Variants in NAV2 observed in about 807,000 individuals in gnomAD.
NAV2 encodes the protein helicase, APC down-regulated 1.
NAV2 carries 54 observed loss-of-function variants against 223.2 expected under a neutral mutation model. The ratio of observed to expected loss-of-function variants is 0.24; its 90% CI spans 0.19 to 0.30. NAV2 has a LOEUF of 0.30. NAV2 is among the 10% of genes least tolerant of loss of function. The probability of loss-of-function intolerance (pLI) is 1.00; values close to 1 mark genes in which losing one functional copy is unlikely to be tolerated. For missense variants in NAV2, 2,806 were observed against 3,147.5 expected (o/e 0.89, Z 2.60); for synonymous variants, 1,279 against 1,239.3 (o/e 1.03, Z -0.67).
chr11:19,405,971 G>A (rs142705333), intron 1 of NAV2, among the ~76,000 whole-genome samples: 98 of 152,284 alleles, frequency 6.4e-4, no homozygotes, highest in African/African-American at 2.2e-3. Flanking sequence ...AGGGTCACTG[G>A]GACAGAGTAG....
At chr11:19,872,548 C>A (rs78474156) in intron 4 of NAV2, among the ~76,000 whole-genome samples, 2 of 152,230 alleles carry the variant, frequency 1.3e-5, no homozygotes, top group African/African-American at 4.8e-5. Flanking sequence ...TTTTTGTTCT[C>A]CTTTTGAAGA....
intron 19 of NAV2, among the ~76,000 whole-genome samples, chr11:20,060,094 C>T (rs1374739923): frequency 6.6e-6 from 1 of 152,228 alleles, no homozygotes; most frequent in African/African-American, 2.4e-5. Flanking sequence ...CAGATGTGCT[C>T]TTCTCTGCCT....
intron 1 of NAV2, among the ~76,000 whole-genome samples, chr11:19,404,790 C>A (rs1313132375): frequency 2.0e-5 from 3 of 152,202 alleles, no homozygotes; most frequent in Non-Finnish European, 2.9e-5. Context: ...TATTTCCTTC[C>A]AATGAATTCA....
At position 19,894,736 on chromosome 11, in the gene NAV2, T is replaced by C. The variant is rs187708051; in HGVS notation, c.931+2142T>C. On this transcript the variant is annotated intron_variant, in intron 6 of 37. Transcript: ENST00000349880. ...AAGAAAGAAAGGGAAGTCATACTTA[T>C]TTTTTTATTTAGAGATGGAGTTTTG... 1.0e-3 allele frequency among the ~76,000 whole-genome samples: 155 copies of C among 152,288 alleles called. No individual in the cohort carries two copies. In the South Asian group the frequency reaches 0.015, roughly 15 times the overall value.
chr11:19,655,557 C>T (rs1272043709), intron 1 of NAV2, among the ~76,000 whole-genome samples: 2 of 151,958 alleles, frequency 1.3e-5, no homozygotes, highest in African/African-American at 4.8e-5. Context: ...GAATACTATG[C>T]AGCCAAAAAA....
intron 1 of NAV2, among the ~76,000 whole-genome samples, chr11:19,533,963 CCCAAAG>C: frequency 6.6e-6 from 1 of 151,486 alleles, no homozygotes; most frequent in African/African-American, 2.5e-5. Context: ...GCCTCGGCCT[CCCAAAG>C]TGCTGGGATT....
intron 10 of NAV2, among the ~76,000 whole-genome samples, chr11:19,955,265 G>T (rs117336273): frequency 0.034 from 5,163 of 152,106 alleles, 108 homozygotes; most frequent in East Asian, 0.05. Context: ...AGCTGTTCAT[G>T]GTGGCATGTT....
intron 26 of NAV2, among the ~76,000 whole-genome samples, chr11:20,088,391 T>C (rs888753099): frequency 2.0e-5 from 3 of 152,218 alleles, no homozygotes; most frequent in Admixed American, 2.0e-4. Context: ...TTCGCCGTGT[T>C]GGCCAGGCTT....
chr11:19,952,901 C>A (rs72913120), intron 10 of NAV2, among the ~76,000 whole-genome samples: 5,061 of 152,190 alleles, frequency 0.033, 125 homozygotes, highest in Non-Finnish European at 0.054. Context: ...TGGTATATAC[C>A]AGGCATGTCT....
rs184284382 is a variant in NAV2 at position 19,492,121 on chromosome 11, T to C, written c.75+141094T>C. ...CAATAGTAACATCACAGATCACTGA[T>C]CATTGGTCACCATAACAGATACAAT... is the stretch of plus-strand genomic sequence containing the variant. On this transcript the variant is annotated intron_variant, in intron 1 of 37. Coordinates refer to the NAV2 transcript ENST00000360655. Among the ~76,000 whole-genome samples, 186 of 152,298 alleles carry C rather than the reference T, an allele frequency of 1.2e-3. 1 individual carries two copies. Among genetic ancestry groups the C allele is most frequent in the African/African-American group, 4.3e-3 (180 of 41,556 alleles).
intron 1 of NAV2, among the ~76,000 whole-genome samples, chr11:19,824,693 A>C (rs566961538): frequency 8.5e-5 from 13 of 152,178 alleles, no homozygotes; most frequent in Non-Finnish European, 1.8e-4. Flanking sequence ...CCACCAGCTA[A>C]TTTCGGTTTC....
chr11:20,107,807 C>T lies in NAV2; in HGVS notation c.6960+25C>T, dbSNP rs748013535. 2.7e-6 allele frequency: 4 copies of T among 1,507,806 alleles called. No individual in the cohort carries two copies. The Admixed American group carries it at 6.7e-5, about 25-fold the overall frequency. 93.4% of individuals were successfully genotyped at this position (1,507,806 alleles called of 1,614,324 possible). ...GGTGAGAAGACACCCCTGCTGGCTTCCTTGAAGCTGAGGGGGACTGTTCTG... is the reference window on the plus strand; with the variant it reads ...GGTGAGAAGACACCCCTGCTGGCTTTCTTGAAGCTGAGGGGGACTGTTCTG... On this transcript the variant is annotated intron_variant, in intron 36 of 37. Coordinates refer to ENST00000349880, the MANE Select transcript of NAV2 (RefSeq NM_145117.5).
chr11:19,797,736 G>A (rs2058008191), intron 1 of NAV2, among the ~76,000 whole-genome samples: 1 of 152,116 alleles, frequency 6.6e-6, no homozygotes, highest in Non-Finnish European at 1.5e-5. Context: ...CTGCCACTCT[G>A]TGTGGGGAGC....
intron 1 of NAV2, among the ~76,000 whole-genome samples, chr11:19,614,971 A>G (rs2046751870): frequency 6.6e-6 from 1 of 151,886 alleles, no homozygotes; most frequent in Non-Finnish European, 1.5e-5. Context: ...CTTCTGTCCC[A>G]CCCCCAGTGC....
chr11:19,976,481 G>C (rs77709287), intron 10 of NAV2, among the ~76,000 whole-genome samples: 2 of 152,142 alleles, frequency 1.3e-5, no homozygotes, highest in African/African-American at 4.8e-5. Flanking sequence ...GGGCCCCTGG[G>C]ACCTTTTGAC....
chr11:19,846,393 A>G (rs966457176), intron 3 of NAV2, among the ~76,000 whole-genome samples: 5 of 152,198 alleles, frequency 3.3e-5, no homozygotes, highest in Non-Finnish European at 5.9e-5. Flanking sequence ...TCATAGGCAC[A>G]GAGGTCTTTT....
chr11:19,636,416 T>C (rs1565124574), intron 1 of NAV2, among the ~76,000 whole-genome samples: 1 of 152,156 alleles, frequency 6.6e-6, no homozygotes, highest in African/African-American at 2.4e-5. Flanking sequence ...CAGACTTACT[T>C]TATACCAGGA....
chr11:19,781,232 A>G (rs1196187125), intron 1 of NAV2, among the ~76,000 whole-genome samples: 3 of 152,184 alleles, frequency 2.0e-5, no homozygotes, highest in Non-Finnish European at 1.5e-5. Context: ...TGTATCAGAC[A>G]CCCTGGATGC....
chr11:19,359,665 G>A (rs1853819791), intron 1 of NAV2, among the ~76,000 whole-genome samples: 2 of 152,184 alleles, frequency 1.3e-5, no homozygotes, highest in Admixed American at 1.3e-4. Context: ...TGCTTACCCA[G>A]AAGAGAAGGT....
Sources: allele counts gnomAD v4.1 joint callset (sites outside exome capture counted in the v4.1 genomes callset), GRCh38; gene constraint gnomAD v4.1.1; transcripts MANE v1.5; gene names NCBI Gene and HGNC (gene_info 2026-07-23, HGNC 2026-07-21).